Variants in COL13A1 observed in about 807,000 individuals in gnomAD.
The protein encoded by COL13A1 is collagen type XIII alpha 1 chain.
COL13A1 carries 89 observed loss-of-function variants against 130.9 expected under a neutral mutation model. That is an observed-to-expected ratio of 0.68 (90% CI 0.57 to 0.81). The LOEUF is 0.81. Among genes scored for constraint, COL13A1 ranks in the 30% least tolerant of loss-of-function variants. COL13A1 has a pLI of 0.00. For synonymous variants in COL13A1, 402 were observed against 341.6 expected (o/e 1.18, Z -1.95); for missense variants, 879 against 934.6 (o/e 0.94, Z 0.78).
chr10:69,919,275 C>A (rs2064323179), intron 20 of COL13A1, among the ~76,000 whole-genome samples, 187 bp downstream of exon 20: 1 of 152,174 alleles, frequency 6.6e-6, no homozygotes, highest in African/African-American at 2.4e-5. Context: ...GGGTCCTGGC[C>A]TGCAGGCATG....
intron 1 of COL13A1, among the ~76,000 whole-genome samples, chr10:69,809,419 C>T (rs1451992106): frequency 6.6e-6 from 1 of 152,252 alleles, no homozygotes; most frequent in African/African-American, 2.4e-5. Context: ...AAGACCTTTA[C>T]ATCTATTGAT....
chr10:69,943,238 C>G (rs573496858), intron 35 of COL13A1, among the ~76,000 whole-genome samples: 1 of 152,206 alleles, frequency 6.6e-6, no homozygotes, highest in Admixed American at 6.5e-5. Context: ...ACATCTTACT[C>G]CCCTCTTTGT....
chr10:69,858,823 T>C (rs1263739985), intron 2 of COL13A1, among the ~76,000 whole-genome samples: 1 of 152,210 alleles, frequency 6.6e-6, no homozygotes, highest in Non-Finnish European at 1.5e-5. Flanking sequence ...AAGCAATAAA[T>C]GTAAAGGTTA....
At chr10:69,887,090 G>A (rs71480617) in intron 7 of COL13A1, among the ~76,000 whole-genome samples, 16,701 of 152,214 alleles carry the variant, frequency 0.11, 966 homozygotes, top group Middle Eastern at 0.25. Flanking sequence ...TTAGAGGATC[G>A]CCGTCCAGGA....
At chr10:69,865,674 G>A (rs1217279508) in intron 2 of COL13A1, among the ~76,000 whole-genome samples, 1 of 152,230 alleles carries the variant, frequency 6.6e-6, no homozygotes, top group Non-Finnish European at 1.5e-5. Flanking sequence ...GCCTGGCTGA[G>A]CTTGGAAGAG....
chr10:69,913,297 C>G (rs977820240), intron 17 of COL13A1, among the ~76,000 whole-genome samples: 1 of 152,162 alleles, frequency 6.6e-6, no homozygotes. Flanking sequence ...GGCTGAGAGC[C>G]CCCAGGGGAA....
chr10:69,898,624 T>C, intron 13 of COL13A1, 73 bp from the exon 14 acceptor site: 3 of 1,405,326 alleles, frequency 2.1e-6, no homozygotes, highest in Non-Finnish European at 3.0e-6. Flanking sequence ...TCCTGGTGAC[T>C]TTTGGCATCG....
At chr10:69,836,016 G>T (rs1451428775) in intron 2 of COL13A1, among the ~76,000 whole-genome samples, 2 of 152,078 alleles carry the variant, frequency 1.3e-5, no homozygotes, top group Admixed American at 6.5e-5. Context: ...GCTAGTGTGT[G>T]TTGAAGCCAG....
At chr10:69,862,056 CAGTGTGAAGTCACTGGGCGCCA>C (rs888043066) in intron 2 of COL13A1, among the ~76,000 whole-genome samples, 1 of 152,168 alleles carries the variant, frequency 6.6e-6, no homozygotes, top group Non-Finnish European at 1.5e-5. Context: ...TTCCAGCTGC[CAGTGTGAAGTCACTGGGCGCCA>C]AGTTAGGAAG....
At chr10:69,889,288 C>T in intron 9 of COL13A1, 126 bp from the exon 10 acceptor site, 1 of 1,197,474 alleles carries the variant, frequency 8.4e-7, no homozygotes, top group Admixed American at 2.0e-5. Context: ...AGATGGAGCA[C>T]AGGGGACAGG....
At chr10:69,952,035 T>A (rs750631888) in intron 38 of COL13A1, among the ~76,000 whole-genome samples, 2 of 152,220 alleles carry the variant, frequency 1.3e-5, no homozygotes, top group Non-Finnish European at 2.9e-5. Flanking sequence ...ACACATACAA[T>A]ATAGGATTCA....
intron 26 of COL13A1, 44 bp downstream of exon 26, chr10:69,925,916 A>C: frequency 1.1e-5 from 16 of 1,471,100 alleles, no homozygotes; most frequent in African/African-American, 2.8e-5. Flanking sequence ...CATGGATCTC[A>C]GGCTCTGCAC....
chr10:69,878,313 C>T (rs1479592314), intron 6 of COL13A1, among the ~76,000 whole-genome samples: 2 of 152,180 alleles, frequency 1.3e-5, no homozygotes, highest in Non-Finnish European at 2.9e-5. Flanking sequence ...CTTGCCCTGC[C>T]CTGACAGCAT....
rs1281600420 is a variant in COL13A1, at chr10:69,898,702, GCCTCT to G, written c.695_699del (p.Leu232GlnfsTer102). On this transcript the variant is annotated frameshift_variant, in exon 14 of 41. Transcript: ENST00000645393. LOFTEE classifies it high-confidence loss of function. ...CAACTCATCTTTCTCCTCAGCTGCT[GCCTCT>G]CCTCAATTCAGTGCGACTGGCTCCA... The G allele has an allele frequency of 6.2e-7, 1 of 1,613,112 alleles. No homozygotes were observed. Among genetic ancestry groups the G allele is most frequent in the Non-Finnish European group, 8.5e-7 (1 of 1,179,524 alleles).
chr10:69,946,918 G>C (rs1045831596), intron 37 of COL13A1, among the ~76,000 whole-genome samples: 1 of 152,156 alleles, frequency 6.6e-6, no homozygotes, highest in African/African-American at 2.4e-5. Flanking sequence ...CTCCAGCGTA[G>C]CTCAGACTAC....
chr10:69,934,344 C>CT (rs1020429572), intron 31 of COL13A1, among the ~76,000 whole-genome samples: 1 of 152,138 alleles, frequency 6.6e-6, no homozygotes, highest in Admixed American at 6.5e-5. Flanking sequence ...AAATGGGAAG[C>CT]TTTTTTTAAG....
chr10:69,875,501 G>A (rs551084483), intron 5 of COL13A1, among the ~76,000 whole-genome samples: 162 of 152,248 alleles, frequency 1.1e-3, no homozygotes, highest in African/African-American at 2.5e-3. Context: ...CTGCCACTCC[G>A]CCCCCCAAAG....
At chr10:69,924,578 C>A (rs542178598) in intron 24 of COL13A1, among the ~76,000 whole-genome samples, 1 of 151,910 alleles carries the variant, frequency 6.6e-6, no homozygotes, top group East Asian at 1.9e-4. Context: ...CAACTGACAC[C>A]CAGACAATTG....
At chr10:69,811,319 G>A (rs527327531) in intron 1 of COL13A1, among the ~76,000 whole-genome samples, 99 of 152,320 alleles carry the variant, frequency 6.5e-4, no homozygotes, top group African/African-American at 2.3e-3. Flanking sequence ...TGCCATAGAG[G>A]GACTTTGCAC....
Sources: allele counts gnomAD v4.1 joint callset (sites outside exome capture counted in the v4.1 genomes callset), GRCh38; gene constraint gnomAD v4.1.1; transcripts MANE v1.5; gene names NCBI Gene and HGNC (gene_info 2026-07-23, HGNC 2026-07-21).